The following MYO16 variants were observed in gnomAD, a reference collection of about 807,000 sequenced individuals.
MYO16 encodes the protein unconventional myosin-XVI.
Under a neutral mutation model 205.3 loss-of-function variants are expected in MYO16, and 94 were observed. That is an observed-to-expected ratio of 0.46 (90% CI 0.39 to 0.54). The LOEUF (loss-of-function observed/expected upper bound fraction) is 0.54. Ranked by LOEUF, MYO16 falls within the 20% of genes least tolerant of loss-of-function variation. MYO16 has a pLI of 0.00. For synonymous variants in MYO16, 988 were observed against 954.0 expected, an observed-to-expected ratio of 1.04 and a Z score of -0.66; for missense variants, 2,315 against 2,387.5, an observed-to-expected ratio of 0.97 and a Z score of 0.63.
intron 31 of MYO16, among the ~76,000 whole-genome samples, chr13:109,132,087 T>C (rs1196067826): frequency 6.6e-6 from 1 of 152,204 alleles, no homozygotes; most frequent in African/African-American, 2.4e-5. Flanking sequence ...CCTCTGACAG[T>C]CAGTTTCCTC....
At chr13:108,961,881 G>A (rs1883598058) in intron 18 of MYO16, among the ~76,000 whole-genome samples, 1 of 152,144 alleles carries the variant, frequency 6.6e-6, no homozygotes, top group African/African-American at 2.4e-5. Context: ...CACCACATTA[G>A]CAACACTGAT....
At chr13:108,677,335 G>GTGTATATATATATATATGCATA (rs1247551957) in intron 2 of MYO16, among the ~76,000 whole-genome samples, 84 of 87,468 alleles carry the variant, frequency 9.6e-4, no homozygotes, top group African/African-American at 3.9e-3. Context: ...GTGTGTGTGT[G>GTGTATATATATATATATGCATA]TATATATATA....
chr13:109,014,208 A>G (rs1314243785), intron 22 of MYO16, among the ~76,000 whole-genome samples: 2 of 152,078 alleles, frequency 1.3e-5, no homozygotes, highest in Non-Finnish European at 2.9e-5. Context: ...TCCCAGCACC[A>G]TTTATTAAAT....
At chr13:108,886,579 T>A (rs1879900479) in intron 13 of MYO16, 1 of 438,784 alleles carries the variant, frequency 2.3e-6, no homozygotes. Context: ...GGGCGCAAAC[T>A]GCTGGCGGCT....
intron 20 of MYO16, among the ~76,000 whole-genome samples, chr13:108,970,110 A>T (rs1213686612): frequency 6.6e-6 from 1 of 152,242 alleles, no homozygotes; most frequent in Non-Finnish European, 1.5e-5. Context: ...AAAGGGCAGC[A>T]TTATGGATAA....
chr13:109,099,949 T>C lies in MYO16; in HGVS notation c.3336-836T>C, dbSNP rs147918862. On this transcript the variant is annotated intron_variant, in intron 27 of 34. Transcript: ENST00000457511. Reference sequence around the variant, plus strand: ...AACAGAAAACTGATGACTTCAGCTTTGGCATTGCGTTTCCTTCGGCTTGCG... The same window carrying C: ...AACAGAAAACTGATGACTTCAGCTTCGGCATTGCGTTTCCTTCGGCTTGCG... Among the ~76,000 whole-genome samples, 6 of 152,348 alleles carry C rather than the reference T, an allele frequency of 3.9e-5. No individual in the cohort carries two copies. The East Asian group carries it at 9.6e-4, about 24-fold the overall frequency.
chr13:109,098,400 A>G (rs1888844975), intron 27 of MYO16, among the ~76,000 whole-genome samples: 1 of 152,214 alleles, frequency 6.6e-6, no homozygotes, highest in Non-Finnish European at 1.5e-5. Flanking sequence ...CGCCACTTGC[A>G]GAAGCATTTT....
intron 32 of MYO16, among the ~76,000 whole-genome samples, chr13:109,144,670 T>G (rs1009743238): frequency 6.6e-6 from 1 of 152,258 alleles, no homozygotes; most frequent in Non-Finnish European, 1.5e-5. Flanking sequence ...TGTGGCTAAT[T>G]TACCCTTCAG....
At chr13:108,775,516 G>GT (rs1424372648) in intron 4 of MYO16, among the ~76,000 whole-genome samples, 8 of 127,984 alleles carry the variant, frequency 6.3e-5, no homozygotes, top group Non-Finnish European at 1.2e-4. Flanking sequence ...ATGGAGTTTT[G>GT]GTTTTTTTTA....
the MYO16 span, among the ~76,000 whole-genome samples, chr13:108,583,361 C>A: frequency 6.6e-6 from 1 of 152,148 alleles, no homozygotes; most frequent in Non-Finnish European, 1.5e-5. Flanking sequence ...ACGCAGAATT[C>A]CTGCATTTGG....
intron 20 of MYO16, among the ~76,000 whole-genome samples, chr13:108,977,414 A>G (rs186506160): frequency 7.3e-4 from 111 of 152,236 alleles, no homozygotes; most frequent in Middle Eastern, 3.4e-3. Context: ...GAGAACGATT[A>G]TTTGCATTTT....
intron 9 of MYO16, among the ~76,000 whole-genome samples, chr13:108,834,653 C>T (rs933609634): frequency 9.9e-5 from 9 of 90,516 alleles, no homozygotes; most frequent in African/African-American, 2.4e-4. Flanking sequence ...CTCTCTCTCT[C>T]TCTCTCTCTC....
intron 1 of MYO16, among the ~76,000 whole-genome samples, chr13:108,634,572 G>A (rs573325215): frequency 4.6e-5 from 7 of 151,968 alleles, no homozygotes; most frequent in African/African-American, 9.7e-5. Flanking sequence ...CGTGGCCTTC[G>A]ACCCTCACCT....
chr13:108,647,191 C>T (rs950823792), intron 1 of MYO16, among the ~76,000 whole-genome samples: 1 of 152,150 alleles, frequency 6.6e-6, no homozygotes, highest in African/African-American at 2.4e-5. Context: ...AATTCACCAT[C>T]TCTCAAAGGT....
chr13:108,816,371 G>A (rs1181497103), intron 7 of MYO16, among the ~76,000 whole-genome samples: 1 of 151,728 alleles, frequency 6.6e-6, no homozygotes, highest in African/African-American at 2.4e-5. Context: ...AAGAAATTAA[G>A]TTTACCGTTT....
At chr13:109,197,359 A>C (rs1880203146) in intron 34 of MYO16, among the ~76,000 whole-genome samples, 1 of 152,046 alleles carries the variant, frequency 6.6e-6, no homozygotes, top group Non-Finnish European at 1.5e-5. Context: ...CTTCTGTTCT[A>C]TTTCCTGGAC....
At chr13:108,975,190 G>T (rs184709301) in intron 20 of MYO16, among the ~76,000 whole-genome samples, 2,921 of 110,832 alleles carry the variant, frequency 0.026, 87 homozygotes, top group African/African-American at 0.092. Context: ...TACTGTTTTT[G>T]TTTTTTTTTT....
chr13:109,052,549 AAAG>A (rs917132083), intron 25 of MYO16, 74 bp downstream of exon 25: 27 of 1,187,592 alleles, frequency 2.3e-5, no homozygotes, highest in Middle Eastern at 4.7e-4. Flanking sequence ...TTTTTAAAAA[AAAG>A]CACAATTTTA....
chr13:108,692,354 G>T (rs183375632), intron 2 of MYO16, among the ~76,000 whole-genome samples: 93 of 152,312 alleles, frequency 6.1e-4, no homozygotes, highest in African/African-American at 1.9e-3. Context: ...CACAAAATGG[G>T]ATTTTAAGAA....
Sources: gnomAD v4.1 joint callset for allele counts (sites outside exome capture counted in the v4.1 genomes callset) on GRCh38, gnomAD v4.1.1 for gene constraint, MANE v1.5 for transcripts, NCBI Gene and HGNC (gene_info 2026-07-23, HGNC 2026-07-21) for gene names.